PPP3CC: variants seen among roughly 807,000 people sequenced by gnomAD.
The protein encoded by PPP3CC is serine/threonine-protein phosphatase 2B catalytic subunit gamma isoform.
PPP3CC carries 35 observed loss-of-function variants against 60.3 expected under a neutral mutation model. That is an observed-to-expected ratio of 0.58 (90% CI 0.44 to 0.77). The LOEUF is 0.77. PPP3CC is among the 30% of genes least tolerant of loss of function. The pLI, the probability that PPP3CC is intolerant of heterozygous loss-of-function variation, is 0.00. For missense variants in PPP3CC, 570 were observed against 628.9 expected (o/e 0.91, Z 1.00); for synonymous variants, 206 against 224.3 (o/e 0.92, Z 0.73).
intron 1 of PPP3CC, among the ~76,000 whole-genome samples, chr8:22,468,737 G>A (rs1180597173): frequency 6.6e-6 from 1 of 152,164 alleles, no homozygotes; most frequent in South Asian, 2.1e-4. Flanking sequence ...AGGTACTGTT[G>A]GAGGCATTGG....
At chr8:22,461,105 A>T (rs766642537) in intron 1 of PPP3CC, among the ~76,000 whole-genome samples, 2 of 152,130 alleles carry the variant, frequency 1.3e-5, no homozygotes, top group Non-Finnish European at 2.9e-5. Context: ...TGGCCTCCCA[A>T]AGTGCTAGGA....
chr8:22,467,631 A>G (rs1021147124), intron 1 of PPP3CC, among the ~76,000 whole-genome samples: 1 of 152,036 alleles, frequency 6.6e-6, no homozygotes, highest in African/African-American at 2.4e-5. Context: ...GGGTTTCACC[A>G]TGTTGGTCAG....
intron 1 of PPP3CC, among the ~76,000 whole-genome samples, chr8:22,465,070 A>C (rs1837478543): frequency 6.9e-6 from 1 of 144,514 alleles, no homozygotes; most frequent in African/African-American, 2.6e-5. Context: ...TGATCCTCCC[A>C]CCTCAGCCGC....
intron 3 of PPP3CC, among the ~76,000 whole-genome samples, chr8:22,479,224 G>A (rs781634260): frequency 6.6e-6 from 1 of 151,948 alleles, no homozygotes; most frequent in African/African-American, 2.4e-5. Flanking sequence ...AAAATTTTTT[G>A]TTATAAATAA....
chr8:22,531,038 A>AAAATATTG (rs1431502738), intron 10 of PPP3CC, among the ~76,000 whole-genome samples: 44 of 152,174 alleles, frequency 2.9e-4, no homozygotes, highest in African/African-American at 1.1e-3. Flanking sequence ...GTGGGGTTAG[A>AAAATATTG]AAATATTGGA....
chr8:22,444,544 G>A (rs987870269), intron 1 of PPP3CC, among the ~76,000 whole-genome samples: 2 of 152,162 alleles, frequency 1.3e-5, no homozygotes, highest in Non-Finnish European at 1.5e-5. Flanking sequence ...GTGAAATCTC[G>A]TCGGTAACAA....
At chr8:22,466,460 A>G (rs1837525878) in intron 1 of PPP3CC, among the ~76,000 whole-genome samples, 1 of 152,188 alleles carries the variant, frequency 6.6e-6, no homozygotes, top group South Asian at 2.1e-4. Flanking sequence ...CCAACGGTGT[A>G]TTTCTCCACA....
intron 1 of PPP3CC, among the ~76,000 whole-genome samples, chr8:22,471,694 C>T (rs1323330287): frequency 6.6e-6 from 1 of 152,018 alleles, no homozygotes; most frequent in African/African-American, 2.4e-5. Flanking sequence ...ATGAATGGGG[C>T]TTACAGGACT....
At chr8:22,505,806 G>A (rs1347825293) in intron 4 of PPP3CC, among the ~76,000 whole-genome samples, 1 of 152,102 alleles carries the variant, frequency 6.6e-6, no homozygotes, top group Non-Finnish European at 1.5e-5. Flanking sequence ...ATGTGAGGAG[G>A]CTAGAAGATA....
intron 10 of PPP3CC, chr8:22,531,229 A>C (rs532403818): frequency 7.2e-7 from 1 of 1,392,378 alleles, no homozygotes; most frequent in South Asian, 1.2e-5. Flanking sequence ...TCTCTTTTCC[A>C]TGTAAACATA....
chr8:22,504,156 T>A (rs1026325733), intron 4 of PPP3CC, among the ~76,000 whole-genome samples: 25 of 152,188 alleles, frequency 1.6e-4, no homozygotes, highest in African/African-American at 4.8e-4. Context: ...TGTTTTTTTT[T>A]AAATTGATGT....
intron 1 of PPP3CC, among the ~76,000 whole-genome samples, chr8:22,467,399 A>G (rs565660050): frequency 6.6e-5 from 10 of 152,046 alleles, no homozygotes; most frequent in Admixed American, 2.0e-4. Flanking sequence ...TTTTATGTGT[A>G]TTTTAGTTAG....
rs142254973 is a variant in PPP3CC, at chr8:22,475,501, A to T, written c.249A>T (p.Val83=). ...TMIEVDAPIT[V]CGDIHGQFFD... is the part of the protein sequence containing the mutation. Reference sequence around the variant, plus strand: ...ATCACTTTATGCTTTTTTTCCTAGTATGTGGTGATATTCATGGACAATTCT... The same window carrying T: ...ATCACTTTATGCTTTTTTTCCTAGTTTGTGGTGATATTCATGGACAATTCT... Residue 83 remains valine (V), a splice_region_variant and synonymous_variant, in exon 3 of 14, where the codon GTA becomes GTT. Transcript: ENST00000240139. 1 of 1,607,958 alleles carries T rather than the reference A, an allele frequency of 6.2e-7. No homozygotes were observed. The highest frequency in any genetic ancestry group is 1.7e-5 in the Admixed American group (1 of 58,854).
chr8:22,489,689 G>GTATATATTATATATAAGTATATAT (rs1554535111), intron 3 of PPP3CC, among the ~76,000 whole-genome samples: 217 of 90,168 alleles, frequency 2.4e-3, no homozygotes, highest in Non-Finnish European at 3.2e-3. Flanking sequence ...TTATATATAA[G>GTATATATTATATATAAGTATATAT]TATATATTAT....
chr8:22,467,134 G>C (rs1837545203), intron 1 of PPP3CC, among the ~76,000 whole-genome samples: 1 of 152,104 alleles, frequency 6.6e-6, no homozygotes. Context: ...AAAAATTGCA[G>C]ATTGGCTAAA....
At chr8:22,523,296 AAAG>A (rs1474761946) in intron 8 of PPP3CC, among the ~76,000 whole-genome samples, 4 of 152,164 alleles carry the variant, frequency 2.6e-5, no homozygotes, top group Non-Finnish European at 1.5e-5. Context: ...CCATATGAAA[AAAG>A]AAGAATGGAT....
chr8:22,463,569 T>C (rs764162204), intron 1 of PPP3CC, among the ~76,000 whole-genome samples: 3 of 152,278 alleles, frequency 2.0e-5, no homozygotes, highest in Non-Finnish European at 4.4e-5. Flanking sequence ...GAATCTTCTA[T>C]TGCAGAAAGT....
Position 22,468,523 on chromosome 8 carries a change from A to G in PPP3CC, c.50-6431A>G, listed in dbSNP as rs569101533. ...ACATATTTATCCCTTTCATTTAGGA[A>G]AGAAGATTCATGAGTTTTTTTTTTA... On this transcript the variant is annotated intron_variant, in intron 1 of 13. Coordinates refer to ENST00000240139, the MANE Select transcript of PPP3CC (RefSeq NM_005605.5). Among the ~76,000 whole-genome samples, 3 of 152,336 alleles carry G rather than the reference A, an allele frequency of 2.0e-5. No homozygotes were observed. In the South Asian group the frequency reaches 6.2e-4, roughly 32 times the overall value.
intron 6 of PPP3CC, among the ~76,000 whole-genome samples, chr8:22,514,714 G>A (rs548392142): frequency 2.1e-5 from 3 of 140,318 alleles, no homozygotes; most frequent in South Asian, 2.2e-4. Context: ...TTTTTGAGAC[G>A]GAGTCTTGCT....
Sources: gnomAD v4.1 joint callset for allele counts (sites outside exome capture counted in the v4.1 genomes callset) on GRCh38, gnomAD v4.1.1 for gene constraint, MANE v1.5 for transcripts, NCBI Gene and HGNC (gene_info 2026-07-23, HGNC 2026-07-21) for gene names.